HLCS: variants seen among roughly 807,000 people sequenced by gnomAD.
The protein encoded by HLCS is holocarboxylase synthetase, also known as biotin--protein ligase.
HLCS carries 53 observed loss-of-function variants against 75.0 expected under a neutral mutation model. That is an observed-to-expected ratio of 0.71 (90% CI 0.57 to 0.89). HLCS has a LOEUF of 0.89. Ranked by LOEUF, HLCS falls within the 40% of genes least tolerant of loss-of-function variation. The pLI is 0.00. For synonymous variants in HLCS, 431 were observed against 428.6 expected, an observed-to-expected ratio of 1.01 and a Z score of -0.07; for missense variants, 966 against 1,074.0, an observed-to-expected ratio of 0.90 and a Z score of 1.41.
chr21:36,869,765 T>C (rs1194110517), intron 6 of HLCS, among the ~76,000 whole-genome samples: 1 of 152,242 alleles, frequency 6.6e-6, no homozygotes, highest in Non-Finnish European at 1.5e-5. Flanking sequence ...AGTGTATTGA[T>C]GTCCTTAATC....
rs1407706279 is a variant in HLCS, at chr21:36,842,311, A to G, written c.1892+54549T>C. Reference sequence around the variant, plus strand: ...AGGATGCAGATGGGAAGGGACCTGAAGGTGCCTCTGACTGCTGGAACCCAT... The same window carrying G: ...AGGATGCAGATGGGAAGGGACCTGAGGGTGCCTCTGACTGCTGGAACCCAT... On this transcript the variant is annotated intron_variant, in intron 6 of 10. Transcript: ENST00000674895. The surrounding 1 kb of genome is among the most constrained non-coding windows in gnomAD (Gnocchi z 4.2). 6.6e-6 allele frequency among the ~76,000 whole-genome samples: 1 copy of G among 152,206 alleles called. No homozygotes were observed. Among genetic ancestry groups the G allele is most frequent in the East Asian group, 1.9e-4 (1 of 5,196 alleles).
intron 6 of HLCS, among the ~76,000 whole-genome samples, chr21:36,792,303 C>A (rs1235211018): frequency 6.6e-6 from 1 of 152,016 alleles, no homozygotes; most frequent in Non-Finnish European, 1.5e-5. Flanking sequence ...ATCTGTGTGA[C>A]CAGGGACGGC....
chr21:36,981,300 C>G (rs1030643962), intron 1 of HLCS, among the ~76,000 whole-genome samples: 1 of 151,700 alleles, frequency 6.6e-6, no homozygotes, highest in South Asian at 2.1e-4. Context: ...ATGGGCTTAA[C>G]TAGTTATTCT....
At chr21:36,815,177 C>G (rs997812209) in intron 6 of HLCS, among the ~76,000 whole-genome samples, 24 of 152,058 alleles carry the variant, frequency 1.6e-4, no homozygotes, top group African/African-American at 5.8e-4. Context: ...CAGGCATATG[C>G]CACCACATCC....
intron 6 of HLCS, among the ~76,000 whole-genome samples, chr21:36,787,752 C>T (rs1334878109): frequency 6.6e-6 from 1 of 151,972 alleles, no homozygotes; most frequent in African/African-American, 2.4e-5. Flanking sequence ...TCTCTCCTTC[C>T]TACCTCACAT....
chr21:36,951,739 A>G (rs756124982), intron 2 of HLCS, among the ~76,000 whole-genome samples: 9 of 152,214 alleles, frequency 5.9e-5, no homozygotes, highest in Non-Finnish European at 1.0e-4. Context: ...TTTCCTGTGG[A>G]AAAAAAGAAT....
chr21:36,966,491 C>T lies in HLCS; in HGVS notation c.148G>A (p.Val50Met). 3.0e-6 allele frequency: 3 copies of T among 985,496 alleles called. No individual in the cohort carries two copies. The highest frequency in any genetic ancestry group is 1.2e-6 in the Non-Finnish European group (1 of 830,884). The allele number at this position is 985,496 out of a possible 1,614,324, so 61.0% of individuals were successfully genotyped here. ...GAAAQPPGAR[V>M]CLSRGGRVFC... ...ACGCGGCCGCCACGGCTCAGGCACACGCGGGCGCCCGGGGGCTGCGCGGCC... is the reference window on the plus strand; with the variant it reads ...ACGCGGCCGCCACGGCTCAGGCACATGCGGGCGCCCGGGGGCTGCGCGGCC... The change falls in exon 1 of 11, where the codon GTG becomes ATG. Residue 50 changes from valine (V) to methionine (M), a missense_variant. Val to Met is a conservative substitution (Grantham distance 21). Coordinates refer to ENST00000674895, the MANE Select transcript of HLCS (RefSeq NM_001352514.2).
chr21:36,790,456 T>A (rs1365924376), intron 6 of HLCS, among the ~76,000 whole-genome samples: 1 of 152,110 alleles, frequency 6.6e-6, no homozygotes, highest in East Asian at 1.9e-4. Flanking sequence ...GTTTGTTGGC[T>A]GATGTAGAGG....
chr21:36,958,075 AAAT>A (rs2068066149), intron 2 of HLCS, among the ~76,000 whole-genome samples: 2 of 150,998 alleles, frequency 1.3e-5, no homozygotes, highest in African/African-American at 2.4e-5. Flanking sequence ...AAAATACAAT[AAAT>A]AAATAAATAA....
intron 6 of HLCS, among the ~76,000 whole-genome samples, chr21:36,795,042 T>C (rs1392954743): frequency 6.6e-6 from 1 of 151,976 alleles, no homozygotes; most frequent in East Asian, 1.9e-4. Flanking sequence ...TTGGGAATCA[T>C]TATCGTGGAG....
At position 36,765,188 on chromosome 21, in the gene HLCS, C is replaced by T; in HGVS notation, c.1961-16G>A. 1.9e-6 allele frequency: 3 copies of T among 1,614,082 alleles called. No individual in the cohort carries two copies. The highest frequency in any genetic ancestry group is 2.5e-6 in the Non-Finnish European group (3 of 1,179,922). The stretch of plus-strand genomic sequence containing the variant: ...CCTCCCCGTCCTGGAACACAGGCCA[C>T]AGTGGGAAACATGCTACCTTGCCAC... On this transcript the variant is annotated splice_polypyrimidine_tract_variant and intron_variant, in intron 7 of 10. Coordinates refer to ENST00000674895, the MANE Select transcript of HLCS (RefSeq NM_001352514.2).
upstream of HLCS, among the ~76,000 whole-genome samples, chr21:36,970,318 G>A (rs530990260): frequency 2.6e-5 from 4 of 152,110 alleles, no homozygotes; most frequent in African/African-American, 7.2e-5. Flanking sequence ...CTGCAGCCTC[G>A]ACCTCGTGGG....
upstream of HLCS, among the ~76,000 whole-genome samples, chr21:36,971,318 C>G (rs796874246): frequency 1.6e-4 from 25 of 152,258 alleles, no homozygotes; most frequent in African/African-American, 6.0e-4. Flanking sequence ...AATGGGTGCT[C>G]TTCTCCTCAT....
intron 6 of HLCS, among the ~76,000 whole-genome samples, chr21:36,787,575 CCTGGTTT>C (rs914304519): frequency 3.9e-5 from 6 of 152,146 alleles, no homozygotes; most frequent in African/African-American, 1.4e-4. Flanking sequence ...GTTCCTCTCC[CCTGGTTT>C]CTTTTCATCA....
intron 5 of HLCS, among the ~76,000 whole-genome samples, chr21:36,898,906 C>T (rs1000198905): frequency 6.6e-6 from 1 of 151,936 alleles, no homozygotes; most frequent in Non-Finnish European, 1.5e-5. Flanking sequence ...CCTAAAAATA[C>T]AAAAATTAGC....
chr21:36,868,900 GT>G (rs991263434), intron 6 of HLCS, among the ~76,000 whole-genome samples: 1 of 152,042 alleles, frequency 6.6e-6, no homozygotes, highest in African/African-American at 2.4e-5. Context: ...TGAAGGCTCT[GT>G]CCCCTGCCAG....
intron 2 of HLCS, among the ~76,000 whole-genome samples, chr21:36,950,290 A>G (rs1486678041): frequency 7.3e-6 from 1 of 137,432 alleles, no homozygotes; most frequent in South Asian, 2.3e-4. Flanking sequence ...AGTATATTCA[A>G]TTCTGCTACA....
chr21:36,759,748 C>T lies in HLCS; in HGVS notation c.2215G>A (p.Glu739Lys), dbSNP rs543256742. Reference sequence around the variant, plus strand: ...TTACCAATAAGTATATAAAATGTTTCTCCCATGAGTGTTGAGTTAACCAGA... The same window carrying T: ...TTACCAATAAGTATATAAAATGTTTTTCCCATGAGTGTTGAGTTAACCAGA... ...GVLVNSTLMG[E>K]TFYILIGCGF... The change falls in exon 9 of 11, where the codon GAA becomes AAA. Residue 739 changes from glutamate (E) to lysine (K), a missense_variant. Glu to Lys is a moderately conservative substitution (Grantham distance 56). Transcript: ENST00000674895. The T allele has an allele frequency of 9.4e-6, 15 of 1,602,602 alleles. No homozygotes were observed. Among genetic ancestry groups the T allele is most frequent in the Admixed American group, 1.7e-5 (1 of 60,014 alleles).
intron 4 of HLCS, 39 bp downstream of exon 4, chr21:36,936,410 G>A (rs1450164594): frequency 2.6e-6 from 4 of 1,542,866 alleles, no homozygotes; most frequent in Non-Finnish European, 3.6e-6. Flanking sequence ...AATACCCACA[G>A]ATACCCAAAG....
Sources: allele counts gnomAD v4.1 joint callset (sites outside exome capture counted in the v4.1 genomes callset), GRCh38; gene constraint gnomAD v4.1.1; non-coding constraint Gnocchi (gnomAD v3.1); transcripts MANE v1.5; gene names NCBI Gene and HGNC (gene_info 2026-07-23, HGNC 2026-07-21).